Variants in PML observed in about 807,000 individuals in gnomAD.
PML encodes PML nuclear body scaffold.
A neutral mutation model predicts 65.2 loss-of-function variants in PML; 28 were observed. The ratio of observed to expected loss-of-function variants is 0.43; its 90% CI spans 0.32 to 0.59. PML has a LOEUF of 0.59. PML is among the 20% of genes least tolerant of loss of function. PML has a pLI of 0.08. For missense variants in PML, 1,021 were observed against 1,203.4 expected (o/e 0.85, Z 2.24); for synonymous variants, 500 against 508.8 (o/e 0.98, Z 0.23).
intron 2 of PML, among the ~76,000 whole-genome samples, chr15:74,022,211 C>G (rs1176190738): frequency 6.6e-6 from 1 of 152,234 alleles, no homozygotes; most frequent in Non-Finnish European, 1.5e-5. Context: ...CCCGCCCCGG[C>G]CTCCCAAAGT....
Position 74,035,475 on chromosome 15 carries a change from C to G in PML, c.1710+945C>G. 6.2e-7 allele frequency: 1 copy of G among 1,612,542 alleles called. No individual in the cohort carries two copies. The highest frequency in any genetic ancestry group is 8.5e-7 in the Non-Finnish European group (1 of 1,180,008). On this transcript the variant is annotated intron_variant, in intron 7 of 8. Coordinates refer to ENST00000268058, the MANE Select transcript of PML (RefSeq NM_033238.3). This position sits in a 1 kb window ranked among gnomAD's most constrained non-coding sequence, Gnocchi z 4.1. ...GAGAGCCATCCGCCTTCGCCATGCC[C>G]TCCGCTTGCACCCTCAATTGCATCG...
intron 2 of PML, among the ~76,000 whole-genome samples, chr15:73,999,837 T>A (rs2069676713): frequency 6.7e-6 from 1 of 148,644 alleles, no homozygotes. Context: ...TTTTTTAATT[T>A]TTTTTTTTTT....
intron 7 of PML, among the ~76,000 whole-genome samples, chr15:74,039,206 C>T (rs1016446509): frequency 2.0e-5 from 3 of 152,148 alleles, no homozygotes; most frequent in African/African-American, 7.2e-5. Context: ...GGCCGTGGCA[C>T]TGGTGAGTGT....
chr15:74,029,873 C>G (rs2071240331), intron 4 of PML, among the ~76,000 whole-genome samples: 1 of 152,174 alleles, frequency 6.6e-6, no homozygotes, highest in African/African-American at 2.4e-5. Flanking sequence ...AATCTGTTCT[C>G]TCTCCTTCCC....
At chr15:74,029,485 G>A (rs946082636) in intron 4 of PML, among the ~76,000 whole-genome samples, 1 of 152,030 alleles carries the variant, frequency 6.6e-6, no homozygotes, top group South Asian at 2.1e-4. Context: ...TTAGCCGGGC[G>A]TGATGGCAGG....
chr15:74,020,423 G>A (rs749389220), intron 2 of PML, among the ~76,000 whole-genome samples: 2 of 151,224 alleles, frequency 1.3e-5, no homozygotes, highest in Non-Finnish European at 2.9e-5. Context: ...CCAAGTAGCT[G>A]GGATTACAGG....
At chr15:74,030,376 T>C (rs939933888) in intron 4 of PML, among the ~76,000 whole-genome samples, 1 of 152,082 alleles carries the variant, frequency 6.6e-6, no homozygotes, top group African/African-American at 2.4e-5. Context: ...TGGCCAGGTG[T>C]GGTGGCTCAT....
At chr15:74,010,763 T>C (rs2070299457) in intron 2 of PML, among the ~76,000 whole-genome samples, 1 of 152,150 alleles carries the variant, frequency 6.6e-6, no homozygotes, top group South Asian at 2.1e-4. Context: ...TGCAGACTTG[T>C]ACTCTATGGC....
Position 74,047,276 on chromosome 15 carries a change from G to A in PML, c.*2268G>A, listed in dbSNP as rs937996221. The A allele has an allele frequency of 8.7e-6, 2 of 230,484 alleles. No individual in the cohort carries two copies. The highest frequency in any genetic ancestry group is 4.4e-5 in the African/African-American group (2 of 45,152). The allele number at this position is 230,484 out of a possible 1,614,324, so 14.3% of individuals were successfully genotyped here. A position where few individuals can be genotyped will look rare whatever the true frequency, so the allele number is the denominator to read the frequency against. Reference sequence around the variant, plus strand: ...CTTGGCCATCACAGGTGGAGCTTCAGTTAGTACCCGAGGGATTCCCCTGGC... The same window carrying A: ...CTTGGCCATCACAGGTGGAGCTTCAATTAGTACCCGAGGGATTCCCCTGGC... On this transcript the variant is annotated 3_prime_UTR_variant, in exon 9 of 9. Coordinates refer to ENST00000268058, the MANE Select transcript of PML (RefSeq NM_033238.3).
At position 74,034,500 on chromosome 15, in the gene PML, C is replaced by T; in HGVS notation, c.1680C>T (p.Ser560=). ...CAGAGGAACGCGTTGTGGTGATCAG[C>T]AGCTCGGAAGACTCAGATGCCGAAA... ...GEAEERVVVI[S]SSEDSDAENS... The change falls in exon 7 of 9, where the codon AGC becomes AGT. Residue 560 remains serine, a synonymous_variant. Transcript: ENST00000268058. The T allele has an allele frequency of 1.2e-6, 2 of 1,614,170 alleles. No individual in the cohort carries two copies. Among genetic ancestry groups the T allele is most frequent in the South Asian group, 1.1e-5 (1 of 91,078 alleles).
chr15:74,002,960 T>C (rs2069849537), intron 2 of PML, among the ~76,000 whole-genome samples: 1 of 151,868 alleles, frequency 6.6e-6, no homozygotes, highest in African/African-American at 2.4e-5. Context: ...ACCCCGTCTC[T>C]ACAAAAAAAT....
Position 73,998,099 on chromosome 15 carries a change from G to T in PML, c.225G>T (p.Thr75=), listed in dbSNP as rs924881117. The change falls in exon 2 of 9, where the codon ACG becomes ACT. Residue 75 remains threonine, a synonymous_variant. Transcript: ENST00000268058. ...KCPKLLPCLH[T]LCSGCLEASG... The stretch of plus-strand genomic sequence containing the variant: ...CGAAGCTGCTGCCTTGTCTGCACAC[G>T]CTGTGCTCAGGATGCCTGGAGGCGT... The T allele has an allele frequency of 6.2e-7, 1 of 1,613,834 alleles. No individual in the cohort carries two copies. The highest frequency in any genetic ancestry group is 1.3e-5 in the African/African-American group (1 of 75,072).
intron 2 of PML, among the ~76,000 whole-genome samples, chr15:74,014,568 C>T (rs2070479725): frequency 6.6e-6 from 1 of 151,816 alleles, no homozygotes; most frequent in African/African-American, 2.4e-5. Flanking sequence ...TCGAGACGAG[C>T]CTGACCAATA....
intron 6 of PML, chr15:74,034,206 A>T (rs555369588): frequency 2.3e-5 from 12 of 530,314 alleles, no homozygotes; most frequent in African/African-American, 1.3e-4. Flanking sequence ...CCTCCTGTAC[A>T]GGGGGCAAAT....
chr15:74,035,886 C>A lies in PML; in HGVS notation c.1710+1356C>A, dbSNP rs756279904. 1 of 1,613,776 alleles carries A rather than the reference C, an allele frequency of 6.2e-7. No homozygotes were observed. Among genetic ancestry groups the A allele is most frequent in the African/African-American group, 1.3e-5 (1 of 75,028 alleles). ...GGAAGCCTCTCCAATTACATTCCCA[C>A]CACCCTGTGCCCCAGAAAGGCCCCC... On this transcript the variant is annotated intron_variant, in intron 7 of 8. Coordinates refer to ENST00000268058, the MANE Select transcript of PML (RefSeq NM_033238.3). The surrounding 1 kb of genome is among the most constrained non-coding windows in gnomAD (Gnocchi z 4.1).
intron 2 of PML, among the ~76,000 whole-genome samples, chr15:74,021,381 G>A (rs1244834853): frequency 6.6e-6 from 1 of 152,194 alleles, no homozygotes; most frequent in African/African-American, 2.4e-5. Flanking sequence ...GAGGTCGGGA[G>A]TTCAAGACCA....
chr15:73,994,854 C>T lies in PML; in HGVS notation c.42C>T (p.Asp14=). The change falls in exon 1 of 9, where the codon GAC becomes GAT. Residue 14 remains aspartate, a synonymous_variant. Transcript: ENST00000268058. ...APARSPRPQQ[D]PARPQEPTMP... ...CCCGATCTCCGAGGCCCCAGCAGGA[C>T]CCCGCCCGGCCCCAGGAGCCCACCA... The T allele has an allele frequency of 6.4e-7, 1 of 1,558,668 alleles. No individual in the cohort carries two copies. Among genetic ancestry groups the T allele is most frequent in the Non-Finnish European group, 8.7e-7 (1 of 1,150,848 alleles).
chr15:74,030,443 G>C (rs1461125780), intron 4 of PML, among the ~76,000 whole-genome samples: 2 of 152,206 alleles, frequency 1.3e-5, no homozygotes, highest in Non-Finnish European at 2.9e-5. Context: ...GAGGTCAGGA[G>C]TTTGAGACCA....
chr15:74,002,036 A>T (rs1436869303), intron 2 of PML, among the ~76,000 whole-genome samples: 3 of 151,410 alleles, frequency 2.0e-5, no homozygotes, highest in African/African-American at 7.3e-5. Flanking sequence ...TTTTCTCTTG[A>T]AAAGTTTTAG....
Sources: gnomAD v4.1 joint callset for allele counts (sites outside exome capture counted in the v4.1 genomes callset) on GRCh38, gnomAD v4.1.1 for gene constraint, Gnocchi (gnomAD v3.1) non-coding constraint, MANE v1.5 for transcripts, NCBI Gene and HGNC (gene_info 2026-07-23, HGNC 2026-07-21) for gene names.